TPST1: variants seen among roughly 807,000 people sequenced by gnomAD.
The protein encoded by TPST1 is tyrosylprotein sulfotransferase 1, also known as protein-tyrosine sulfotransferase 1.
In TPST1, 20 loss-of-function variants were observed where a neutral mutation model predicts 34.8. The observed-to-expected ratio is 0.57, with a 90% CI of 0.40 to 0.84. The LOEUF is 0.84. TPST1 is among the 40% of genes least tolerant of loss of function. TPST1 has a pLI of 0.00. For synonymous variants in TPST1, 152 were observed against 159.4 expected (o/e 0.95, Z 0.35); for missense variants, 353 against 455.5 (o/e 0.78, Z 2.05).
chr7:66,343,109 C>A (rs1161321551), intron 3 of TPST1, among the ~76,000 whole-genome samples: 5 of 152,270 alleles, frequency 3.3e-5, no homozygotes, highest in Admixed American at 3.3e-4. Context: ...CCACACACAC[C>A]TCACCACCAC....
intron 3 of TPST1, among the ~76,000 whole-genome samples, chr7:66,333,637 T>A (rs1279228048): frequency 1.3e-5 from 2 of 152,222 alleles, no homozygotes; most frequent in Non-Finnish European, 2.9e-5. Flanking sequence ...TTATGGGAAT[T>A]ACGTGCCTCC....
intron 3 of TPST1, among the ~76,000 whole-genome samples, chr7:66,316,901 A>G (rs1199937936): frequency 6.6e-6 from 1 of 152,182 alleles, no homozygotes; most frequent in Non-Finnish European, 1.5e-5. Flanking sequence ...GGCGGAGAAC[A>G]AGACACTGGG....
chr7:66,349,696 A>T (rs1792431029), intron 3 of TPST1, among the ~76,000 whole-genome samples: 1 of 152,136 alleles, frequency 6.6e-6, no homozygotes, highest in Admixed American at 6.5e-5. Context: ...CACAGACCAG[A>T]GTGGACTGTG....
intron 5 of TPST1, 55 bp from the exon 6 acceptor site, chr7:66,359,838 CAG>C: frequency 4.4e-6 from 2 of 455,726 alleles, no homozygotes; most frequent in Admixed American, 4.7e-5. Flanking sequence ...GACGAAGACA[CAG>C]GGAGAACACA....
At chr7:66,253,751 G>A (rs181817423) in intron 2 of TPST1, among the ~76,000 whole-genome samples, 247 of 150,988 alleles carry the variant, frequency 1.6e-3, no homozygotes, top group African/African-American at 5.6e-3. Context: ...AAATGTCTTC[G>A]AGTTAGCCAG....
chr7:66,355,902 C>CAAAAA (rs573200695), intron 4 of TPST1, among the ~76,000 whole-genome samples: 135 of 56,894 alleles, frequency 2.4e-3, no homozygotes, highest in African/African-American at 7.5e-3. Flanking sequence ...AAGACTCCAT[C>CAAAAA]AAAAAAAAAA....
chr7:66,356,712 C>A, intron 4 of TPST1, 113 bp from the exon 5 acceptor site: 1 of 1,199,356 alleles, frequency 8.3e-7, no homozygotes, highest in Non-Finnish European at 1.2e-6. Flanking sequence ...GCACTGAGTT[C>A]ATCTGAAAGT....
chr7:66,337,069 G>C (rs1341452743), intron 3 of TPST1, among the ~76,000 whole-genome samples: 1 of 152,084 alleles, frequency 6.6e-6, no homozygotes, highest in Non-Finnish European at 1.5e-5. Flanking sequence ...AAAGTTGAGG[G>C]AATTCATCAA....
chr7:66,256,277 AAG>A (rs1401843591), intron 2 of TPST1, among the ~76,000 whole-genome samples: 1 of 152,222 alleles, frequency 6.6e-6, no homozygotes, highest in Non-Finnish European at 1.5e-5. Flanking sequence ...CTAGTTCACT[AAG>A]AGTTTTCAAA....
upstream of TPST1, among the ~76,000 whole-genome samples, chr7:66,200,415 G>A (rs1384734840): frequency 6.8e-6 from 1 of 146,382 alleles, no homozygotes. Context: ...CACAGGTGAA[G>A]TTATCTTTTT....
intron 1 of TPST1, chr7:66,221,514 G>A (rs888693482): frequency 1.3e-5 from 2 of 152,194 alleles, no homozygotes; most frequent in Non-Finnish European, 2.9e-5. Context: ...GTAACATGCC[G>A]GTGAACATCC....
chr7:66,249,790 A>C (rs1790225038), intron 2 of TPST1, among the ~76,000 whole-genome samples: 1 of 152,156 alleles, frequency 6.6e-6, no homozygotes, highest in Non-Finnish European at 1.5e-5. Flanking sequence ...GTTCCTTTGA[A>C]TGTGTTGTTT....
At chr7:66,250,685 A>G (rs1332263443) in intron 2 of TPST1, among the ~76,000 whole-genome samples, 1 of 152,226 alleles carries the variant, frequency 6.6e-6, no homozygotes, top group Non-Finnish European at 1.5e-5. Context: ...TCCTGTGCAT[A>G]TATACCTGTG....
Position 66,360,275 on chromosome 7 carries a change from T to C in TPST1, c.*410T>C, listed in dbSNP as rs1340067427. ...GTTGTCTGTACATGTTCTAATGTTT[T>C]GTAGAACACGTGTGCCTGTTTAAGT... is the stretch of plus-strand genomic sequence containing the variant. On this transcript the variant is annotated 3_prime_UTR_variant, in exon 6 of 6. Transcript: ENST00000304842. The C allele has an allele frequency of 1.4e-5, 3 of 211,356 alleles. No homozygotes were observed. Among genetic ancestry groups the C allele is most frequent in the Non-Finnish European group, 2.9e-5 (3 of 102,136 alleles). The allele number at this position is 211,356 out of a possible 1,614,324, so 13.1% of individuals were successfully genotyped here. A position where few individuals can be genotyped will look rare whatever the true frequency, so the allele number is the denominator to read the frequency against.
intron 3 of TPST1, among the ~76,000 whole-genome samples, chr7:66,342,232 A>G (rs929095546): frequency 6.6e-5 from 10 of 152,304 alleles, no homozygotes; most frequent in African/African-American, 1.7e-4. Flanking sequence ...CAACTCTTCA[A>G]TCAGAAAATT....
At chr7:66,299,561 C>T (rs1019661392) in intron 3 of TPST1, among the ~76,000 whole-genome samples, 8 of 151,912 alleles carry the variant, frequency 5.3e-5, no homozygotes, top group African/African-American at 7.3e-5. Flanking sequence ...ATACCAAATT[C>T]GTAGCTCCGT....
chr7:66,219,118 G>T (rs1018449999), intron 1 of TPST1, among the ~76,000 whole-genome samples: 17 of 143,568 alleles, frequency 1.2e-4, no homozygotes, highest in African/African-American at 4.4e-4. Context: ...TGCTGGTCTC[G>T]AACTCCTGAC....
chr7:66,301,260 A>G (rs1791310571), intron 3 of TPST1, among the ~76,000 whole-genome samples: 1 of 152,238 alleles, frequency 6.6e-6, no homozygotes, highest in African/African-American at 2.4e-5. Context: ...CAGCCTTTAT[A>G]AAATTGAAGA....
chr7:66,202,588 G>A (rs1789044393), upstream of TPST1, among the ~76,000 whole-genome samples: 1 of 152,180 alleles, frequency 6.6e-6, no homozygotes, highest in African/African-American at 2.4e-5. Context: ...GAAAGAGCCT[G>A]GCAGGGGCTG....
Sources: gnomAD v4.1 joint callset for allele counts (sites outside exome capture counted in the v4.1 genomes callset) on GRCh38, gnomAD v4.1.1 for gene constraint, MANE v1.5 for transcripts, NCBI Gene and HGNC (gene_info 2026-07-23, HGNC 2026-07-21) for gene names.